The following SLC24A2 variants were observed in gnomAD, a reference collection of about 807,000 sequenced individuals.
SLC24A2 encodes sodium/potassium/calcium exchanger 2.
In SLC24A2, 36 loss-of-function variants were observed where a neutral mutation model predicts 62.0. That is an observed-to-expected ratio of 0.58 (90% CI 0.44 to 0.77). The LOEUF (loss-of-function observed/expected upper bound fraction) is 0.77. Ranked by LOEUF, SLC24A2 falls within the 30% of genes least tolerant of loss-of-function variation. The pLI is 0.00. For missense variants in SLC24A2, 846 were observed against 817.9 expected (o/e 1.03, Z -0.42); for synonymous variants, 358 against 294.0 (o/e 1.22, Z -2.23).
chr9:19,517,345 C>T (rs1264059129), intron 10 of SLC24A2, among the ~76,000 whole-genome samples: 2 of 152,142 alleles, frequency 1.3e-5, no homozygotes, highest in African/African-American at 2.4e-5. Flanking sequence ...TTCTGAATGA[C>T]AAAAGCTAAG....
intron 2 of SLC24A2, among the ~76,000 whole-genome samples, chr9:19,695,488 A>T (rs779313316): frequency 1.3e-5 from 2 of 152,148 alleles, no homozygotes; most frequent in Non-Finnish European, 2.9e-5. Context: ...AATCATTAAA[A>T]ATCTTAAGAA....
At chr9:19,816,530 G>T in the SLC24A2 span, among the ~76,000 whole-genome samples, 1 of 152,068 alleles carries the variant, frequency 6.6e-6, no homozygotes, top group Non-Finnish European at 1.5e-5. Context: ...CACCATGCTT[G>T]CATTGCTATA....
At chr9:19,819,484 C>T in the SLC24A2 span, among the ~76,000 whole-genome samples, 1 of 151,968 alleles carries the variant, frequency 6.6e-6, no homozygotes, top group East Asian at 1.9e-4. Context: ...CTATGACGAA[C>T]TCAAACAATC....
chr9:19,635,800 T>A (rs541150773), intron 2 of SLC24A2, among the ~76,000 whole-genome samples: 1 of 152,366 alleles, frequency 6.6e-6, no homozygotes, highest in South Asian at 2.1e-4. Context: ...AATTTTAAAG[T>A]AAACTGCAGA....
rs79344055 is a variant in SLC24A2 at position 19,681,209 on chromosome 9, G to T, written c.931-58910C>A. On this transcript the variant is annotated intron_variant, in intron 2 of 10. Transcript: ENST00000341998. ...TTATGTCTCTCCAGCTGGAGAGAAAGGTATCCATTATTCTCTCTGCAATGC... is the reference window on the plus strand; with the variant it reads ...TTATGTCTCTCCAGCTGGAGAGAAATGTATCCATTATTCTCTCTGCAATGC... 8.7e-3 allele frequency among the ~76,000 whole-genome samples: 1,328 copies of T among 152,046 alleles called. 20 individuals are homozygous for T. Among genetic ancestry groups the T allele is most frequent in the African/African-American group, 0.03 (1,240 of 41,458 alleles).
the SLC24A2 span, among the ~76,000 whole-genome samples, chr9:20,105,201 G>C: frequency 2.0e-5 from 3 of 152,146 alleles, no homozygotes; most frequent in Non-Finnish European, 4.4e-5. Flanking sequence ...CATAAAGCAA[G>C]TCCTGAGTTA....
At chr9:19,611,369 CAG>C (rs1470451837) in intron 4 of SLC24A2, among the ~76,000 whole-genome samples, 1 of 139,962 alleles carries the variant, frequency 7.1e-6, no homozygotes, top group African/African-American at 2.7e-5. Context: ...GAGAGACGGG[CAG>C]AGAGAGATGA....
chr9:20,168,726 A>G, the SLC24A2 span, among the ~76,000 whole-genome samples: 6 of 152,158 alleles, frequency 3.9e-5, no homozygotes, highest in African/African-American at 1.4e-4. Flanking sequence ...AAGAATGTAG[A>G]GGAATTGAAG....
the SLC24A2 span, among the ~76,000 whole-genome samples, chr9:20,258,447 ATGGG>A: frequency 6.6e-6 from 1 of 152,160 alleles, no homozygotes; most frequent in Non-Finnish European, 1.5e-5. Flanking sequence ...CACCCTCAAC[ATGGG>A]TGGGTGCCAT....
chr9:20,093,832 A>G, the SLC24A2 span, among the ~76,000 whole-genome samples: 1 of 152,200 alleles, frequency 6.6e-6, no homozygotes, highest in South Asian at 2.1e-4. Flanking sequence ...CATGATTGTA[A>G]CACAAAAGAT....
At chr9:19,960,130 TTG>T in the SLC24A2 span, among the ~76,000 whole-genome samples, 1 of 152,140 alleles carries the variant, frequency 6.6e-6, no homozygotes, top group East Asian at 1.9e-4. Context: ...GAGCATTTCA[TTG>T]TTTCTTGATG....
chr9:20,019,875 GAAAA>G, the SLC24A2 span, among the ~76,000 whole-genome samples: 4 of 121,548 alleles, frequency 3.3e-5, no homozygotes, highest in African/African-American at 1.2e-4. Flanking sequence ...AAATTTACCA[GAAAA>G]AAAAAAAAAA....
At chr9:20,141,263 T>G in the SLC24A2 span, among the ~76,000 whole-genome samples, 1 of 152,088 alleles carries the variant, frequency 6.6e-6, no homozygotes, top group Non-Finnish European at 1.5e-5. Context: ...TTCCTCTATC[T>G]CTTCCATGTC....
At chr9:20,026,549 G>T in the SLC24A2 span, among the ~76,000 whole-genome samples, 1 of 152,030 alleles carries the variant, frequency 6.6e-6, no homozygotes, top group Non-Finnish European at 1.5e-5. Flanking sequence ...AAAATAAACA[G>T]GCCTTGAAGA....
At chr9:20,150,826 T>A in the SLC24A2 span, among the ~76,000 whole-genome samples, 1 of 151,958 alleles carries the variant, frequency 6.6e-6, no homozygotes, top group Non-Finnish European at 1.5e-5. Context: ...TTTTTACCTA[T>A]ATTTACATGT....
chr9:19,612,883 C>T (rs1837217104), intron 4 of SLC24A2, among the ~76,000 whole-genome samples: 2 of 152,146 alleles, frequency 1.3e-5, no homozygotes. Context: ...AAACAATTTT[C>T]ATCTTGAATC....
In SLC24A2 at chr9:19,515,947, A is replaced by C. The variant is rs1428592427; in HGVS notation, c.*206T>G. ...ATTGACGGTTCTCTTTGTCTTTTAC[A>C]TGAAGTCATTTCAGTAGGCAGGGTG... On this transcript the variant is annotated 3_prime_UTR_variant, in exon 11 of 11. Coordinates refer to ENST00000341998, the MANE Select transcript of SLC24A2 (RefSeq NM_020344.4). The C allele has an allele frequency of 1.4e-5, 9 of 642,194 alleles. No individual in the cohort carries two copies. Among genetic ancestry groups the C allele is most frequent in the Non-Finnish European group, 2.5e-5 (9 of 363,108 alleles). The allele number at this position is 642,194 out of a possible 1,614,324, so 39.8% of individuals were successfully genotyped here.
chr9:19,722,698 T>C (rs1821062691), intron 2 of SLC24A2, among the ~76,000 whole-genome samples: 1 of 150,288 alleles, frequency 6.7e-6, no homozygotes, highest in African/African-American at 2.4e-5. Flanking sequence ...ATCTTCAAGG[T>C]ACTAACTTTT....
chr9:20,176,002 G>T, the SLC24A2 span, among the ~76,000 whole-genome samples: 1 of 151,974 alleles, frequency 6.6e-6, no homozygotes, highest in African/African-American at 2.4e-5. Flanking sequence ...ATTTGGAAGG[G>T]CAAAAAGATA....
Sources: allele counts gnomAD v4.1 joint callset (sites outside exome capture counted in the v4.1 genomes callset), GRCh38; gene constraint gnomAD v4.1.1; transcripts MANE v1.5; gene names NCBI Gene and HGNC (gene_info 2026-07-23, HGNC 2026-07-21).